OR2L13: variants seen among roughly 807,000 people sequenced by gnomAD.
OR2L13 encodes olfactory receptor 2L13.
In OR2L13, 14 loss-of-function variants were observed where a neutral mutation model predicts 15.3. The observed-to-expected ratio is 0.91, with a 90% CI of 0.60 to 1.43. The LOEUF (loss-of-function observed/expected upper bound fraction) is 1.43. Among genes scored for constraint, OR2L13 ranks in the 40% most tolerant of loss-of-function variants. The pLI, the probability that OR2L13 is intolerant of heterozygous loss-of-function variation, is 0.00. For synonymous variants in OR2L13, 152 were observed against 142.9 expected (o/e 1.06, Z -0.45); for missense variants, 367 against 387.9 (o/e 0.95, Z 0.45).
chr1:248,081,302 C>T, the OR2L13 span, among the ~76,000 whole-genome samples: 1 of 152,142 alleles, frequency 6.6e-6, no homozygotes, highest in East Asian at 1.9e-4. Context: ...AATACCACTT[C>T]TTTGAAACAT....
chr1:247,975,701 C>G, the OR2L13 span: 1 of 782,064 alleles, frequency 1.3e-6, no homozygotes, highest in Non-Finnish European at 2.1e-6. Flanking sequence ...AGCCTCACAT[C>G]AACTTAGCAG....
At chr1:247,975,404 A>C in the OR2L13 span, 1 of 668,400 alleles carries the variant, frequency 1.5e-6, no homozygotes, top group Admixed American at 1.9e-5. Flanking sequence ...TACCACATTA[A>C]ATCTGCAGAA....
At chr1:247,940,710 G>C in the OR2L13 span, among the ~76,000 whole-genome samples, 1 of 135,250 alleles carries the variant, frequency 7.4e-6, no homozygotes, top group Non-Finnish European at 1.6e-5. Context: ...GAATGATTTT[G>C]TGTGTGTGTG....
At chr1:248,054,350 G>C in the OR2L13 span, among the ~76,000 whole-genome samples, 1 of 152,098 alleles carries the variant, frequency 6.6e-6, no homozygotes, top group Non-Finnish European at 1.5e-5. Context: ...ATAAGTTTAT[G>C]TTACTGTAGC....
chr1:247,986,580 G>T, the OR2L13 span, among the ~76,000 whole-genome samples: 1 of 152,200 alleles, frequency 6.6e-6, no homozygotes, highest in South Asian at 2.1e-4. Flanking sequence ...GCTTAGGATT[G>T]ACTTGGCAAT....
chr1:248,049,812 T>G, the OR2L13 span, among the ~76,000 whole-genome samples: 1 of 152,176 alleles, frequency 6.6e-6, no homozygotes, highest in Non-Finnish European at 1.5e-5. Flanking sequence ...GCCAAAAAAT[T>G]TTGAGGGATG....
chr1:247,948,735 T>C, the OR2L13 span: 1 of 723,360 alleles, frequency 1.4e-6, no homozygotes, highest in Middle Eastern at 2.6e-4. Flanking sequence ...TAGGGTTCAG[T>C]ATCAACTGCA....
At chr1:248,082,168 AATG>A in the OR2L13 span, among the ~76,000 whole-genome samples, 557 of 146,426 alleles carry the variant, frequency 3.8e-3, 3 homozygotes, top group African/African-American at 0.014. Context: ...AGCCATAAAA[AATG>A]ATGAGTTCAT....
chr1:247,952,154 T>C, the OR2L13 span, among the ~76,000 whole-genome samples: 1 of 152,178 alleles, frequency 6.6e-6, no homozygotes, highest in Non-Finnish European at 1.5e-5. Context: ...TTATTAGATA[T>C]TTCAATGACA....
chr1:248,067,667 G>C, the OR2L13 span, among the ~76,000 whole-genome samples: 2 of 152,218 alleles, frequency 1.3e-5, no homozygotes, highest in Non-Finnish European at 2.9e-5. Context: ...GCAGCGCACC[G>C]TGTGCGAGCC....
chr1:248,034,894 A>G, the OR2L13 span, among the ~76,000 whole-genome samples: 3 of 152,180 alleles, frequency 2.0e-5, no homozygotes, highest in Admixed American at 2.0e-4. Context: ...TTGGCTGTTG[A>G]TGTTGCATGC....
At chr1:248,021,870 A>T in the OR2L13 span, 1 of 1,177,596 alleles carries the variant, frequency 8.5e-7, no homozygotes, top group East Asian at 2.4e-5. Context: ...TTGGAATGCA[A>T]CCCCTGCAGA....
chr1:247,962,939 A>G, the OR2L13 span, among the ~76,000 whole-genome samples: 1 of 152,154 alleles, frequency 6.6e-6, no homozygotes, highest in Non-Finnish European at 1.5e-5. Context: ...TCAATACACA[A>G]TAAATTGAAG....
the OR2L13 span, chr1:248,055,972 T>C: frequency 6.6e-6 from 1 of 152,228 alleles, no homozygotes; most frequent in Non-Finnish European, 1.5e-5. Context: ...TATTTAGGGA[T>C]TCAAATTCTT....
the OR2L13 span, chr1:247,949,144 G>A: frequency 2.1e-5 from 34 of 1,613,898 alleles, no homozygotes; most frequent in South Asian, 3.3e-5. Flanking sequence ...TTCACTGGGT[G>A]TGGGATTCAG....
At chr1:248,068,569 C>T in the OR2L13 span, among the ~76,000 whole-genome samples, 5 of 152,168 alleles carry the variant, frequency 3.3e-5, no homozygotes, top group Admixed American at 6.5e-5. Flanking sequence ...AAAAGCAGAG[C>T]ACCTCTCCTC....
the OR2L13 span, among the ~76,000 whole-genome samples, chr1:247,984,990 C>T: frequency 1.4e-3 from 206 of 152,030 alleles, 4 homozygotes; most frequent in Admixed American, 5.9e-4. Flanking sequence ...CAATATTTGC[C>T]TCTTCATGGC....
At chr1:247,942,497 A>G in the OR2L13 span, among the ~76,000 whole-genome samples, 2 of 152,120 alleles carry the variant, frequency 1.3e-5, no homozygotes, top group Non-Finnish European at 2.9e-5. Flanking sequence ...AATATAAATT[A>G]TATAATATTG....
At chr1:248,083,617 G>C in the OR2L13 span, 14 of 1,348,302 alleles carry the variant, frequency 1.0e-5, no homozygotes, top group Non-Finnish European at 1.3e-5. Context: ...GGAACTTAGA[G>C]TCATTTGACA....
Sources: allele counts gnomAD v4.1 joint callset (sites outside exome capture counted in the v4.1 genomes callset), GRCh38; gene constraint gnomAD v4.1.1; transcripts MANE v1.5; gene names NCBI Gene and HGNC (gene_info 2026-07-23, HGNC 2026-07-21).